Variants in S100A8 observed in about 807,000 individuals in gnomAD.
S100A8 encodes the protein S100 calcium binding protein A8.
Under a neutral mutation model 4.2 loss-of-function variants are expected in S100A8, and 1 was observed. The observed-to-expected ratio is 0.24, with a 90% CI of 0.08 to 1.12. The LOEUF is 1.12. S100A8 is among the 50% of genes most tolerant of loss of function. S100A8 has a pLI of 0.53. For missense variants in S100A8, 96 were observed against 111.8 expected (o/e 0.86, Z 0.64); for synonymous variants, 41 against 44.7 (o/e 0.92, Z 0.33).
At chr1:153,396,599 G>C in the S100A8 span, 1 of 152,496 alleles carries the variant, frequency 6.6e-6, no homozygotes, top group African/African-American at 2.4e-5. Context: ...CTCTAGTAGA[G>C]GCTGTGTTGG....
At chr1:153,416,838 C>T in the S100A8 span, among the ~76,000 whole-genome samples, 595 of 152,364 alleles carry the variant, frequency 3.9e-3, 4 homozygotes, top group African/African-American at 0.013. Context: ...CAGGACCCTC[C>T]CTTTCCTTCC....
At chr1:153,394,638 T>C (rs1662174588), upstream of S100A8, among the ~76,000 whole-genome samples, 1 of 151,882 alleles carries the variant, frequency 6.6e-6, no homozygotes, top group African/African-American at 2.4e-5. Context: ...TCCCAAGGAA[T>C]GGAGGGCCCA....
At chr1:153,411,020 A>G in the S100A8 span, among the ~76,000 whole-genome samples, 1 of 152,234 alleles carries the variant, frequency 6.6e-6, no homozygotes, top group African/African-American at 2.4e-5. Context: ...CACAGCCAGT[A>G]TCATACTAAA....
the S100A8 span, chr1:153,421,835 AT>A: frequency 2.0e-5 from 3 of 152,332 alleles, no homozygotes; most frequent in South Asian, 2.1e-4. Context: ...ATTCCGTCCA[AT>A]TGGCAATGGC....
At chr1:153,404,887 T>A in the S100A8 span, among the ~76,000 whole-genome samples, 17 of 151,634 alleles carry the variant, frequency 1.1e-4, no homozygotes, top group African/African-American at 3.9e-4. Context: ...TGGTACTGCC[T>A]CCGGCGACAA....
upstream of S100A8, among the ~76,000 whole-genome samples, chr1:153,395,170 C>T (rs1557849497): frequency 6.6e-6 from 1 of 152,112 alleles, no homozygotes; most frequent in Non-Finnish European, 1.5e-5. Flanking sequence ...GTAACCCTCA[C>T]ATCCATCATC....
the S100A8 span, chr1:153,422,548 A>G: frequency 1.3e-5 from 13 of 985,260 alleles, no homozygotes; most frequent in Non-Finnish European, 1.4e-5. Context: ...GATTCTGGAA[A>G]TCCAAATGTT....
At chr1:153,399,900 A>G in the S100A8 span, among the ~76,000 whole-genome samples, 4 of 152,214 alleles carry the variant, frequency 2.6e-5, no homozygotes, top group African/African-American at 9.7e-5. Flanking sequence ...CGGCCCCCTC[A>G]GGGGATGGAG....
At chr1:153,391,412 C>A (rs968648110), upstream of S100A8, among the ~76,000 whole-genome samples, 3 of 152,096 alleles carry the variant, frequency 2.0e-5, no homozygotes, top group African/African-American at 7.2e-5. Context: ...CATTGGTGGT[C>A]AGGCCATACA....
At chr1:153,415,845 C>T in the S100A8 span, among the ~76,000 whole-genome samples, 1 of 152,290 alleles carries the variant, frequency 6.6e-6, no homozygotes, top group African/African-American at 2.4e-5. Context: ...GCTTCCCTCC[C>T]TGGACTTTGA....
chr1:153,412,118 C>A, the S100A8 span, among the ~76,000 whole-genome samples: 48 of 152,188 alleles, frequency 3.2e-4, no homozygotes, highest in African/African-American at 5.8e-4. Flanking sequence ...GCAACAAAAG[C>A]CAAAATTGAC....
chr1:153,419,295 G>C, the S100A8 span: 1 of 1,614,034 alleles, frequency 6.2e-7, no homozygotes. Flanking sequence ...GCCCTGTTCT[G>C]GGGGAAGCCA....
At chr1:153,403,938 C>T in the S100A8 span, among the ~76,000 whole-genome samples, 1 of 152,160 alleles carries the variant, frequency 6.6e-6, no homozygotes, top group Non-Finnish European at 1.5e-5. Flanking sequence ...ACTGCAGATG[C>T]CAATCGCAGC....
At chr1:153,403,347 T>G in the S100A8 span, among the ~76,000 whole-genome samples, 1 of 152,226 alleles carries the variant, frequency 6.6e-6, no homozygotes, top group African/African-American at 2.4e-5. Context: ...AGACTATTCT[T>G]TCTCCATTGA....
chr1:153,401,638 G>T, the S100A8 span, among the ~76,000 whole-genome samples: 236 of 152,266 alleles, frequency 1.5e-3, 5 homozygotes, highest in East Asian at 0.038. Flanking sequence ...TGGTGAAATT[G>T]AGAAAGGAGG....
chr1:153,404,330 G>A, the S100A8 span, among the ~76,000 whole-genome samples: 1 of 152,216 alleles, frequency 6.6e-6, no homozygotes, highest in Non-Finnish European at 1.5e-5. Flanking sequence ...TGGAGGCCCA[G>A]TGTGGGGCTG....
upstream of S100A8, among the ~76,000 whole-genome samples, chr1:153,392,014 G>T (rs1272729359): frequency 1.3e-5 from 2 of 152,152 alleles, 1 homozygote; most frequent in African/African-American, 4.8e-5. Context: ...CTAACAAAAT[G>T]CTACTCAGAT....
At chr1:153,392,134 C>T (rs1220563312), upstream of S100A8, among the ~76,000 whole-genome samples, 1 of 152,124 alleles carries the variant, frequency 6.6e-6, no homozygotes, top group East Asian at 1.9e-4. Context: ...AAAAGAATCC[C>T]TACAACTCAA....
chr1:153,401,689 G>T, the S100A8 span, among the ~76,000 whole-genome samples: 13 of 152,240 alleles, frequency 8.5e-5, no homozygotes, highest in African/African-American at 3.1e-4. Context: ...TCCCCGCTTC[G>T]GCCGCACCCA....
Sources: allele counts gnomAD v4.1 joint callset (sites outside exome capture counted in the v4.1 genomes callset), GRCh38; gene constraint gnomAD v4.1.1; transcripts MANE v1.5; gene names NCBI Gene and HGNC (gene_info 2026-07-23, HGNC 2026-07-21).